Variants in ATOH8 observed in about 807,000 individuals in gnomAD.
The protein encoded by ATOH8 is atonal bHLH transcription factor 8.
ATOH8 carries 9 observed loss-of-function variants against 21.2 expected under a neutral mutation model. The ratio of observed to expected loss-of-function variants is 0.42; its 90% confidence interval spans 0.26 to 0.74. The LOEUF (loss-of-function observed/expected upper bound fraction) is 0.74, where lower values mean the gene tolerates loss of function less well. Among genes scored for constraint, ATOH8 ranks in the 30% least tolerant of loss-of-function variants. The pLI is 0.24. For missense variants in ATOH8, 524 were observed against 470.9 expected (o/e 1.11, Z -1.04); for synonymous variants, 253 against 224.0 (o/e 1.13, Z -1.16).
chr2:85,769,992 G>A (rs1680135531), intron 2 of ATOH8, among the ~76,000 whole-genome samples: 1 of 152,218 alleles, frequency 6.6e-6, no homozygotes, highest in African/African-American at 2.4e-5. Flanking sequence ...CTGCTTTAAT[G>A]ACTGACCCCT....
chr2:85,755,846 C>T (rs541087012), intron 1 of ATOH8, among the ~76,000 whole-genome samples: 1 of 151,914 alleles, frequency 6.6e-6, no homozygotes, highest in Non-Finnish European at 1.5e-5. Flanking sequence ...CTCTCCCACC[C>T]CCACACAGGG....
At chr2:85,763,821 C>CGTGAGTGTGTGT in intron 1 of ATOH8, among the ~76,000 whole-genome samples, 170 bp from the exon 2 acceptor site, 1 of 143,768 alleles carries the variant, frequency 7.0e-6, no homozygotes, top group Non-Finnish European at 1.5e-5. Flanking sequence ...GATGAGCTGA[C>CGTGAGTGTGTGT]GTGTGTGTGT....
intron 1 of ATOH8, among the ~76,000 whole-genome samples, chr2:85,761,385 TG>T (rs1679867954): frequency 6.6e-6 from 1 of 152,220 alleles, no homozygotes; most frequent in South Asian, 2.1e-4. Context: ...GCTCAATGGA[TG>T]GGTTTCTTCT....
chr2:85,760,752 A>G (rs1187787551), intron 1 of ATOH8: 1 of 152,268 alleles, frequency 6.6e-6, no homozygotes, highest in Non-Finnish European at 1.5e-5. Context: ...CCCAACAGTC[A>G]CGGAGAATCT....
intron 2 of ATOH8, among the ~76,000 whole-genome samples, chr2:85,767,794 G>C (rs956495180): frequency 6.6e-6 from 1 of 152,148 alleles, no homozygotes; most frequent in African/African-American, 2.4e-5. Context: ...TAGCCATCAG[G>C]GGCCATCAGG....
At chr2:85,781,300 T>A (rs1680487823) in intron 2 of ATOH8, 1 of 176,632 alleles carries the variant, frequency 5.7e-6, no homozygotes, top group Admixed American at 6.5e-5. Flanking sequence ...ATTTTCTTTT[T>A]CTTTTTTTTG....
chr2:85,754,208 C>G lies in ATOH8; in HGVS notation c.19C>G (p.Leu7Val). 3 of 1,598,492 alleles carry G rather than the reference C, an allele frequency of 1.9e-6. No homozygotes were observed. The highest frequency in any genetic ancestry group is 2.6e-6 in the Non-Finnish European group (3 of 1,174,150). Residue 7 changes from leucine to valine, a missense_variant, in exon 1 of 3, where the codon CTC becomes GTC. Transcript: ENST00000306279. ...CCGCGCCATGAAGCACATCCCGGTCCTCGAGGACGGGCCGTGGAAGACCGT... is the reference window on the plus strand; with the variant it reads ...CCGCGCCATGAAGCACATCCCGGTCGTCGAGGACGGGCCGTGGAAGACCGT... Reference protein sequence around the residue: MKHIPVLEDGPWKTVCV... With the variant: MKHIPVVEDGPWKTVCV...
Position 85,789,782 on chromosome 2 carries a change from A to G in ATOH8, c.*2892A>G, listed in dbSNP as rs1221787890. Among the ~76,000 whole-genome samples the G allele has an allele frequency of 3.3e-5, 5 of 152,174 alleles. No individual in the cohort carries two copies. In the South Asian group the frequency reaches 8.3e-4, roughly 25 times the overall value. On this transcript the variant is annotated 3_prime_UTR_variant, in exon 3 of 3. Coordinates refer to ENST00000306279, the MANE Select transcript of ATOH8 (RefSeq NM_032827.7). Reference sequence around the variant, plus strand: ...TAAGTGGGGTCTGGTCTACGATAAGAAAGTGACTTTGAGCCATCGATTTGG... The same window carrying G: ...TAAGTGGGGTCTGGTCTACGATAAGGAAGTGACTTTGAGCCATCGATTTGG...
intron 2 of ATOH8, chr2:85,774,943 C>T: frequency 1.0e-6 from 1 of 979,870 alleles, no homozygotes; most frequent in Non-Finnish European, 1.2e-6. Context: ...CTCCCTGACC[C>T]CAACCCCAGC....
Position 85,788,688 on chromosome 2 carries a change from GAC to G in ATOH8, c.*1802_*1803del. ...GGGACCGGAGGCTGCAGCCATACAG[GAC>G]ACAGTTTGTCCCTTGGTTTCACCAG... On this transcript the variant is annotated 3_prime_UTR_variant, in exon 3 of 3. Transcript: ENST00000306279. Among the ~76,000 whole-genome samples, 2 of 152,308 alleles carry G rather than the reference GAC, an allele frequency of 1.3e-5. No homozygotes were observed. Among genetic ancestry groups the G allele is most frequent in the South Asian group, 4.1e-4 (2 of 4,822 alleles).
rs1490804787 is a variant in ATOH8 at position 85,788,694 on chromosome 2, GT to G, written c.*1807del. 6.6e-6 allele frequency among the ~76,000 whole-genome samples: 1 copy of G among 152,232 alleles called. No individual in the cohort carries two copies. Among genetic ancestry groups the G allele is most frequent in the East Asian group, 1.9e-4 (1 of 5,198 alleles). On this transcript the variant is annotated 3_prime_UTR_variant, in exon 3 of 3. Coordinates refer to ENST00000306279, the MANE Select transcript of ATOH8 (RefSeq NM_032827.7). Reference sequence around the variant, plus strand: ...GGAGGCTGCAGCCATACAGGACACAGTTTGTCCCTTGGTTTCACCAGTGTCA... The same window carrying G: ...GGAGGCTGCAGCCATACAGGACACAGTTGTCCCTTGGTTTCACCAGTGTCA...
chr2:85,775,064 AT>A, intron 2 of ATOH8: 1 of 971,402 alleles, frequency 1.0e-6, no homozygotes, highest in African/African-American at 1.8e-5. Flanking sequence ...ATGAAACTCT[AT>A]TATGTGATAT....
Position 85,790,085 on chromosome 2 carries a change from G to A in ATOH8, c.*3195G>A, listed in dbSNP as rs1015739203. Among the ~76,000 whole-genome samples, 1 of 152,224 alleles carries A rather than the reference G, an allele frequency of 6.6e-6. No homozygotes were observed. The highest frequency in any genetic ancestry group is 2.4e-5 in the African/African-American group (1 of 41,462). ...AAGCAGCCATTCAAGGAGACCCTCA[G>A]CAAAATATAAATGACGAGGAGCTGC... On this transcript the variant is annotated 3_prime_UTR_variant, in exon 3 of 3. Coordinates refer to ENST00000306279, the MANE Select transcript of ATOH8 (RefSeq NM_032827.7).
intron 2 of ATOH8, among the ~76,000 whole-genome samples, chr2:85,777,741 G>C (rs1437312753): frequency 6.6e-6 from 1 of 152,238 alleles, no homozygotes; most frequent in African/African-American, 2.4e-5. Context: ...GGAGCTGGGA[G>C]GGCTGGGCTT....
At chr2:85,763,173 G>A (rs986570306) in intron 1 of ATOH8, among the ~76,000 whole-genome samples, 4 of 152,166 alleles carry the variant, frequency 2.6e-5, no homozygotes, top group Non-Finnish European at 5.9e-5. Flanking sequence ...CAGGTTCCAA[G>A]ACAGAACTCT....
chr2:85,755,070 G>C (rs190059326), intron 1 of ATOH8, 113 bp downstream of exon 1: 2 of 1,374,358 alleles, frequency 1.5e-6, no homozygotes, highest in Admixed American at 5.6e-5. Flanking sequence ...TGCCCCGCCC[G>C]GTCCGACCCT....
intron 2 of ATOH8, among the ~76,000 whole-genome samples, chr2:85,782,726 C>G (rs1680528291): frequency 1.3e-5 from 2 of 152,182 alleles, no homozygotes; most frequent in South Asian, 4.1e-4. Flanking sequence ...TCCAGAGTCT[C>G]CCTCTGACAC....
chr2:85,765,012 T>G (rs1975314), intron 2 of ATOH8, among the ~76,000 whole-genome samples: 147,754 of 152,302 alleles, frequency 0.97, 71,712 homozygotes, highest in East Asian at 1. Context: ...ATGCATTTAG[T>G]GGGAAAGGTG....
chr2:85,754,102 C>T lies in ATOH8; in HGVS notation c.-88C>T. 7.4e-7 allele frequency: 1 copy of T among 1,350,436 alleles called. No individual in the cohort carries two copies. Among genetic ancestry groups the T allele is most frequent in the Non-Finnish European group, 9.6e-7 (1 of 1,046,068 alleles). The allele number at this position is 1,350,436 out of a possible 1,614,324, so 83.7% of individuals were successfully genotyped here. A position where few individuals can be genotyped will look rare whatever the true frequency, so the allele number is the denominator to read the frequency against. ...GGGAGAGAGGGAGGGGGAGGGCGGG[C>T]GAAGCGGGAGAGCCAGAGACTCCTC... On this transcript the variant is annotated 5_prime_UTR_variant, in exon 1 of 3. Coordinates refer to ENST00000306279, the MANE Select transcript of ATOH8 (RefSeq NM_032827.7).
Sources: gnomAD v4.1 joint callset for allele counts (sites outside exome capture counted in the v4.1 genomes callset) on GRCh38, gnomAD v4.1.1 for gene constraint, MANE v1.5 for transcripts, NCBI Gene and HGNC (gene_info 2026-07-23, HGNC 2026-07-21) for gene names.